Variants in MARF1 observed in about 807,000 individuals in gnomAD.
The protein encoded by MARF1 is limkain-b1.
MARF1 carries 24 observed loss-of-function variants against 168.2 expected under a neutral mutation model. That is an observed-to-expected ratio of 0.14 (90% CI 0.10 to 0.20). The LOEUF is 0.20. Ranked by LOEUF, MARF1 falls within the 10% of genes least tolerant of loss-of-function variation. The probability of loss-of-function intolerance (pLI) is 1.00; values close to 1 mark genes in which losing one functional copy is unlikely to be tolerated. For synonymous variants in MARF1, 868 were observed against 822.4 expected, an observed-to-expected ratio of 1.06 and a Z score of -0.95; for missense variants, 1,744 against 2,143.6, an observed-to-expected ratio of 0.81 and a Z score of 3.68.
intron 7 of MARF1, among the ~76,000 whole-genome samples, chr16:15,629,150 T>G (rs551780252): frequency 6.6e-6 from 1 of 151,524 alleles, no homozygotes; most frequent in Admixed American, 6.6e-5. Flanking sequence ...CGTATTTACA[T>G]AAGGCCTTCA....
intron 18 of MARF1, among the ~76,000 whole-genome samples, chr16:15,611,349 C>T (rs759007340): frequency 2.0e-5 from 3 of 149,870 alleles, no homozygotes; most frequent in Non-Finnish European, 4.4e-5. Flanking sequence ...GTCCCAGCTA[C>T]TCTGGAGGCT....
In MARF1 at chr16:15,623,059, T is replaced by G; in HGVS notation, c.2335A>C (p.Ser779Arg). 4 of 1,610,930 alleles carry G rather than the reference T, an allele frequency of 2.5e-6. No homozygotes were observed. Among genetic ancestry groups the G allele is most frequent in the Non-Finnish European group, 3.4e-6 (4 of 1,177,324 alleles). The change falls in exon 11 of 27, where the codon AGC becomes CGC. Residue 779 changes from serine (S) to arginine (R), a missense_variant. Physicochemically the swap from Ser to Arg is moderately radical, Grantham distance 110. Transcript: ENST00000396368. ...PLAFNIANSSSEADCPDPFAN... is the reference protein window; with the variant it reads ...PLAFNIANSSREADCPDPFAN... ...AATGGGTCTGGGCAGTCGGCTTCGCTGCTCGAATTTGCAATGTTGAAAGCA... is the reference window on the plus strand; with the variant it reads ...AATGGGTCTGGGCAGTCGGCTTCGCGGCTCGAATTTGCAATGTTGAAAGCA...
intron 1 of MARF1, among the ~76,000 whole-genome samples, chr16:15,642,699 T>C (rs569278180): frequency 6.6e-6 from 1 of 152,174 alleles, no homozygotes; most frequent in South Asian, 2.1e-4. Context: ...CCCCTTTCCT[T>C]CTCTCTTAAC....
intron 19 of MARF1, 28 bp from the exon 20 acceptor site, chr16:15,609,753 TCA>T (rs757859013): frequency 3.8e-6 from 6 of 1,596,412 alleles, no homozygotes; most frequent in South Asian, 1.1e-5. Flanking sequence ...AAACATAAAA[TCA>T]CAGTTTTTTT....
intron 10 of MARF1, 129 bp downstream of exon 10, chr16:15,624,640 G>A: frequency 2.4e-6 from 2 of 823,434 alleles, no homozygotes. Context: ...GAGGGGGACT[G>A]GCAGAAGAGT....
intron 21 of MARF1, among the ~76,000 whole-genome samples, chr16:15,604,629 C>T (rs1256035119): frequency 6.6e-6 from 1 of 152,166 alleles, no homozygotes; most frequent in East Asian, 1.9e-4. Flanking sequence ...TGAAAACTCT[C>T]AACAAGATAA....
intron 3 of MARF1, 104 bp from the exon 4 acceptor site, chr16:15,635,035 C>A: frequency 1.1e-6 from 1 of 920,920 alleles, no homozygotes; most frequent in Non-Finnish European, 1.6e-6. Context: ...TTTTACCTTT[C>A]CACTTGCTAG....
intron 22 of MARF1, chr16:15,602,616 G>T: frequency 8.6e-6 from 1 of 116,922 alleles, no homozygotes; most frequent in Non-Finnish European, 1.5e-5. Context: ...AAGAAAGGAG[G>T]AGGAGGAAGG....
chr16:15,619,892 A>C (rs897781132), intron 13 of MARF1, among the ~76,000 whole-genome samples: 1 of 152,204 alleles, frequency 6.6e-6, no homozygotes, highest in African/African-American at 2.4e-5. Context: ...GGCCAGGCGC[A>C]GTGGCTCACA....
chr16:15,599,095 C>T (rs1005449987), intron 25 of MARF1, 71 bp from the exon 26 acceptor site: 5 of 1,326,266 alleles, frequency 3.8e-6, no homozygotes, highest in Non-Finnish European at 5.3e-6. Flanking sequence ...CCTGGGCTCA[C>T]ACCTGAAGTT....
At chr16:15,612,926 T>C in intron 16 of MARF1, 149 bp from the exon 17 acceptor site, 2 of 641,412 alleles carry the variant, frequency 3.1e-6, no homozygotes, top group South Asian at 3.7e-5. Context: ...TCAGTTTCTA[T>C]ATTCAGGTCT....
intron 17 of MARF1, among the ~76,000 whole-genome samples, 197 bp from the exon 18 acceptor site, chr16:15,611,931 T>G (rs529929118): frequency 6.6e-6 from 1 of 152,208 alleles, no homozygotes; most frequent in African/African-American, 2.4e-5. Context: ...GAAACTCTTA[T>G]CGTTTTTGGC....
intron 7 of MARF1, 41 bp from the exon 8 acceptor site, chr16:15,625,841 G>T (rs775038183): frequency 1.9e-5 from 29 of 1,506,294 alleles, no homozygotes; most frequent in Non-Finnish European, 2.4e-5. Context: ...GTTAATTCAA[G>T]GGCACACATT....
rs560778008 is a variant in MARF1 at position 15,601,537 on chromosome 16, C to G, written c.4626+454G>C. ...GACACTCCATGCCACTTGTCACAACCCTGCATCTGCTCATGTCATCATCCC... is the reference window on the plus strand; with the variant it reads ...GACACTCCATGCCACTTGTCACAACGCTGCATCTGCTCATGTCATCATCCC... On this transcript the variant is annotated intron_variant, in intron 23 of 26. Transcript: ENST00000396368. 5 of 240,284 alleles carry G rather than the reference C, an allele frequency of 2.1e-5. No homozygotes were observed. In the East Asian group the frequency reaches 3.8e-4, roughly 18 times the overall value. 14.9% of individuals were successfully genotyped at this position (240,284 alleles called of 1,614,324 possible). A position where few individuals can be genotyped will look rare whatever the true frequency, so the allele number is the denominator to read the frequency against.
Position 15,633,764 on chromosome 16 carries a change from G to A in MARF1, c.1086C>T (p.Cys362=). The A allele has an allele frequency of 6.2e-7, 1 of 1,614,104 alleles. No individual in the cohort carries two copies. Among genetic ancestry groups the A allele is most frequent in the African/African-American group, 1.3e-5 (1 of 74,992 alleles). Residue 362 remains cysteine, a synonymous_variant, in exon 5 of 27, where the codon TGC becomes TGT. Coordinates refer to ENST00000396368, the MANE Select transcript of MARF1 (RefSeq NM_014647.4). Reference sequence around the variant, plus strand: ...TTGCTGACCGGCCAGAGGGAACGGAGCAGTTTTCAATATCCCAAAAAACTC... The same window carrying A: ...TTGCTGACCGGCCAGAGGGAACGGAACAGTTTTCAATATCCCAAAAAACTC... ...PIGVFWDIEN[C]SVPSGRSATA...
At chr16:15,639,866 T>G (rs983497830) in intron 1 of MARF1, among the ~76,000 whole-genome samples, 1 of 152,220 alleles carries the variant, frequency 6.6e-6, no homozygotes, top group Non-Finnish European at 1.5e-5. Flanking sequence ...ATCTATAATC[T>G]GCCATTCTTC....
chr16:15,618,711 T>C (rs2034243803), intron 13 of MARF1, among the ~76,000 whole-genome samples: 1 of 152,098 alleles, frequency 6.6e-6, no homozygotes. Context: ...CCAATCGTCT[T>C]AAAGGCAAAT....
chr16:15,620,158 C>G (rs554814108), intron 13 of MARF1, among the ~76,000 whole-genome samples: 1 of 152,210 alleles, frequency 6.6e-6, no homozygotes, highest in South Asian at 2.1e-4. Flanking sequence ...GAGCGAGACT[C>G]TGTCTCCAAA....
At chr16:15,603,610 G>C (rs2032728237) in intron 22 of MARF1, among the ~76,000 whole-genome samples, 1 of 151,972 alleles carries the variant, frequency 6.6e-6, no homozygotes, top group Non-Finnish European at 1.5e-5. Flanking sequence ...TATGGTAATT[G>C]GTCTAATTTT....
Sources: allele counts gnomAD v4.1 joint callset (sites outside exome capture counted in the v4.1 genomes callset), GRCh38; gene constraint gnomAD v4.1.1; transcripts MANE v1.5; gene names NCBI Gene and HGNC (gene_info 2026-07-23, HGNC 2026-07-21).